Variants in TXLNA observed in about 807,000 individuals in gnomAD.
TXLNA encodes alpha-taxilin.
TXLNA carries 9 observed loss-of-function variants against 61.4 expected under a neutral mutation model. The observed-to-expected ratio is 0.15, with a 90% CI of 0.09 to 0.26. The LOEUF (loss-of-function observed/expected upper bound fraction) is 0.26. TXLNA is among the 10% of genes least tolerant of loss of function. TXLNA has a pLI of 1.00. For missense variants in TXLNA, 565 were observed against 688.8 expected (o/e 0.82, Z 2.01); for synonymous variants, 257 against 267.7 (o/e 0.96, Z 0.39).
At chr1:32,185,224 T>C (rs1321628852) in intron 4 of TXLNA, among the ~76,000 whole-genome samples, 1 of 152,158 alleles carries the variant, frequency 6.6e-6, no homozygotes, top group Non-Finnish European at 1.5e-5. Context: ...TCACAATAAA[T>C]GCAAAGCATG....
chr1:32,187,513 G>A (rs997873144), intron 4 of TXLNA, among the ~76,000 whole-genome samples: 7 of 152,172 alleles, frequency 4.6e-5, no homozygotes, highest in African/African-American at 1.7e-4. Flanking sequence ...GTTGGGGAGA[G>A]CGCTGATGAA....
chr1:32,180,566 G>C, intron 2 of TXLNA, 52 bp downstream of exon 2: 1 of 1,533,036 alleles, frequency 6.5e-7, no homozygotes, highest in South Asian at 1.2e-5. Context: ...CTGTGGGGTC[G>C]GCCTCGCTTC....
chr1:32,195,510 C>T lies in TXLNA; in HGVS notation c.*315C>T, dbSNP rs759871288. On this transcript the variant is annotated 3_prime_UTR_variant, in exon 11 of 11. Coordinates refer to ENST00000373610, the MANE Select transcript of TXLNA (RefSeq NM_175852.4). The stretch of plus-strand genomic sequence containing the variant: ...GGGCTGTCATCTGTAGCTGCCATCA[C>T]AGTGAGTTGGCAGAAGTGACTTGAG... 6.0e-6 allele frequency: 3 copies of T among 498,122 alleles called. No individual in the cohort carries two copies. The highest frequency in any genetic ancestry group is 6.7e-5 in the Admixed American group (2 of 29,926). The allele number at this position is 498,122 out of a possible 1,614,324, so 30.9% of individuals were successfully genotyped here.
chr1:32,194,767 T>G (rs777229038), intron 10 of TXLNA, 135 bp from the exon 11 acceptor site: 3 of 1,073,362 alleles, frequency 2.8e-6, no homozygotes, highest in Non-Finnish European at 4.1e-6. Flanking sequence ...TGGCTTCAAC[T>G]AGGACTGTTT....
chr1:32,181,141 C>T, intron 2 of TXLNA, 101 bp from the exon 3 acceptor site: 1 of 1,037,078 alleles, frequency 9.6e-7, no homozygotes, highest in Non-Finnish European at 1.3e-6. Context: ...AGTTAGGCAA[C>T]ATTTAACTCA....
In TXLNA at chr1:32,181,533, G is replaced by C. The variant is rs745575375; in HGVS notation, c.461G>C (p.Arg154Pro). Residue 154 changes from arginine to proline, a missense_variant, in exon 3 of 11, where the codon CGA becomes CCA. Coordinates refer to ENST00000373610, the MANE Select transcript of TXLNA (RefSeq NM_175852.4). Reference sequence around the variant, plus strand: ...CGGCAGAGTGACGAGGTCGGAGACCGAGACCATCGAAGGCCACAGGAGAAG... The same window carrying C: ...CGGCAGAGTGACGAGGTCGGAGACCCAGACCATCGAAGGCCACAGGAGAAG... ...EIRQSDEVGDRDHRRPQEKKK... is the reference protein window; with the variant it reads ...EIRQSDEVGDPDHRRPQEKKK... The C allele has an allele frequency of 1.3e-6, 2 of 1,580,136 alleles. No individual in the cohort carries two copies. Among genetic ancestry groups the C allele is most frequent in the Non-Finnish European group, 1.7e-6 (2 of 1,162,228 alleles).
In TXLNA at chr1:32,192,527, G is replaced by A. The variant is rs949990767; in HGVS notation, c.1083+97G>A. 3.1e-6 allele frequency: 5 copies of A among 1,593,146 alleles called. No individual in the cohort carries two copies. Among genetic ancestry groups the A allele is most frequent in the Non-Finnish European group, 3.4e-6 (4 of 1,166,174 alleles). ...GGGTTATATGGGAGAAGTCTGGCCA[G>A]ACCAGGCACAGATTCCTTGAGTACC... On this transcript the variant is annotated intron_variant, in intron 7 of 10. Transcript: ENST00000373610. This position sits in a 1 kb window ranked among gnomAD's most constrained non-coding sequence, Gnocchi z 4.2.
At chr1:32,183,474 T>C (rs1459933444) in intron 3 of TXLNA, among the ~76,000 whole-genome samples, 1 of 124,864 alleles carries the variant, frequency 8.0e-6, no homozygotes, top group Non-Finnish European at 1.7e-5. Context: ...GTCCCTAGGT[T>C]GGAGTGCAGT....
At chr1:32,180,151 G>T in intron 1 of TXLNA, 163 bp from the exon 2 acceptor site, 2 of 634,842 alleles carry the variant, frequency 3.2e-6, no homozygotes, top group Non-Finnish European at 5.1e-6. Context: ...CGGCACGTCG[G>T]GCTCTCCTGA....
rs1642663471 is a variant in TXLNA at position 32,181,570 on chromosome 1, G to A, written c.498G>A (p.Lys166=). 1 of 1,537,560 alleles carries A rather than the reference G, an allele frequency of 6.5e-7. No individual in the cohort carries two copies. The highest frequency in any genetic ancestry group is 8.8e-7 in the Non-Finnish European group (1 of 1,139,322). Residue 166 remains lysine, a synonymous_variant, in exon 3 of 11, where the codon AAG becomes AAA. Transcript: ENST00000373610. ...GGCCACAGGAGAAGAAAAAAGCCAAGGGTTTGGGTGAGCAGAGGGCGGCTC... is the reference window on the plus strand; with the variant it reads ...GGCCACAGGAGAAGAAAAAAGCCAAAGGTTTGGGTGAGCAGAGGGCGGCTC... ...HRRPQEKKKA[K]GLGKEITLLM...
rs779277079 is a variant in TXLNA at position 32,190,166 on chromosome 1, C to T, written c.880C>T (p.Arg294Cys). 30 of 1,600,924 alleles carry T rather than the reference C, an allele frequency of 1.9e-5. No individual in the cohort carries two copies. The highest frequency in any genetic ancestry group is 6.7e-5 in the East Asian group (3 of 44,470). The part of the protein sequence containing the change: ...IQLQMEQHNE[R>C]NSKLRQENME... ...GCTGCAGATGGAACAGCACAATGAGCGCAACTCCAAGCTGCGCCAAGAGAA... is the reference window on the plus strand; with the variant it reads ...GCTGCAGATGGAACAGCACAATGAGTGCAACTCCAAGCTGCGCCAAGAGAA... The change falls in exon 6 of 11, where the codon CGC becomes TGC. Residue 294 changes from arginine to cysteine, a missense_variant. This residue lies in a region of TXLNA where 373 missense variants were observed against 504.0 expected (regional missense o/e 0.74). Coordinates refer to ENST00000373610, the MANE Select transcript of TXLNA (RefSeq NM_175852.4).
intron 2 of TXLNA, 22 bp from the exon 3 acceptor site, chr1:32,181,220 C>G (rs2124129173): frequency 2.0e-6 from 3 of 1,530,774 alleles, no homozygotes; most frequent in Non-Finnish European, 2.6e-6. Context: ...CTCACTCTAC[C>G]CCTCATCCTC....
intron 3 of TXLNA, among the ~76,000 whole-genome samples, chr1:32,183,843 T>C (rs1297411124): frequency 6.6e-6 from 1 of 152,016 alleles, no homozygotes; most frequent in African/African-American, 2.4e-5. Flanking sequence ...TTCAAGCGAT[T>C]CTCCTACCTC....
chr1:32,184,454 T>C (rs2124139548), intron 3 of TXLNA, 71 bp from the exon 4 acceptor site: 1 of 988,766 alleles, frequency 1.0e-6, no homozygotes, highest in Admixed American at 1.8e-5. Context: ...TCAGCACTCA[T>C]GAGTGTGAGC....
In TXLNA at chr1:32,188,132, T is replaced by C. The variant is rs753708755; in HGVS notation, c.768+8T>C. 24 of 1,544,692 alleles carry C rather than the reference T, an allele frequency of 1.6e-5. No individual in the cohort carries two copies. In the Admixed American group the frequency reaches 4.0e-4, roughly 25 times the overall value. Reference sequence around the variant, plus strand: ...CACAACCGCTCCCTCAAGGTAGGCCTGGGCCCCCTGGAACAGGTGACTCTG... The same window carrying C: ...CACAACCGCTCCCTCAAGGTAGGCCCGGGCCCCCTGGAACAGGTGACTCTG... On this transcript the variant is annotated splice_region_variant and intron_variant, in intron 5 of 10. Transcript: ENST00000373610.
intron 4 of TXLNA, among the ~76,000 whole-genome samples, chr1:32,186,019 T>G (rs1427184769): frequency 6.6e-6 from 1 of 152,202 alleles, no homozygotes; most frequent in Non-Finnish European, 1.5e-5. Context: ...ATTTTAAAAT[T>G]AATTCATTCC....
chr1:32,193,501 CTGTT>C (rs1204751369), intron 9 of TXLNA, among the ~76,000 whole-genome samples: 2 of 151,740 alleles, frequency 1.3e-5, no homozygotes, highest in Non-Finnish European at 2.9e-5. Flanking sequence ...GCAGTCTTTT[CTGTT>C]TGTTTGGTTT....
intron 6 of TXLNA, among the ~76,000 whole-genome samples, chr1:32,191,093 CAAAAAAAAAAA>C (rs1159645218): frequency 1.7e-5 from 1 of 58,692 alleles, no homozygotes; most frequent in Non-Finnish European, 3.4e-5. Context: ...GACTCCATCT[CAAAAAAAAAAA>C]AAAAAAAAAG....
At chr1:32,185,997 C>T (rs1050383699) in intron 4 of TXLNA, among the ~76,000 whole-genome samples, 2 of 152,154 alleles carry the variant, frequency 1.3e-5, no homozygotes, top group Admixed American at 6.6e-5. Flanking sequence ...TGTGCCTGGC[C>T]TCTAAGTATT....
Sources: allele counts gnomAD v4.1 joint callset (sites outside exome capture counted in the v4.1 genomes callset), GRCh38; gene constraint gnomAD v4.1.1; regional missense constraint gnomAD v4.1.1; non-coding constraint Gnocchi (gnomAD v3.1); transcripts MANE v1.5; gene names NCBI Gene and HGNC (gene_info 2026-07-23, HGNC 2026-07-21).